The following AFF2 variants were observed in gnomAD, a reference collection of about 807,000 sequenced individuals.
AFF2 encodes the protein ALF transcription elongation factor 2.
In AFF2, 14 loss-of-function variants were observed where a neutral mutation model predicts 76.9. The observed-to-expected ratio is 0.18, with a 90% CI of 0.12 to 0.28. The LOEUF is 0.28. Ranked by LOEUF, AFF2 falls within the 10% of genes least tolerant of loss-of-function variation. AFF2 has a pLI of 1.00. For missense variants in AFF2, 868 were observed against 1,001.1 expected (o/e 0.87, Z 1.79); for synonymous variants, 398 against 366.7 (o/e 1.09, Z -0.98).
chrX:148,584,842 A>C (rs2053451201), intron 1 of AFF2, among the ~76,000 whole-genome samples: 1 of 111,342 alleles, frequency 9.0e-6, no homozygotes, highest in Non-Finnish European at 1.9e-5. Context: ...CCTGGCTGAA[A>C]TGATCACTTT....
intron 1 of AFF2, among the ~76,000 whole-genome samples, chrX:148,523,251 TAAATC>T (rs1350620285): frequency 8.9e-6 from 1 of 112,339 alleles, no homozygotes; most frequent in Non-Finnish European, 1.9e-5. Context: ...GTGAAAATGT[TAAATC>T]AATTGCATGA....
chrX:148,867,236 G>T (rs1455331108), intron 7 of AFF2, among the ~76,000 whole-genome samples: 2 of 112,480 alleles, frequency 1.8e-5, no homozygotes, highest in Non-Finnish European at 3.8e-5. Context: ...CTGGCTGAAC[G>T]CATTCCCGTC....
Position 148,591,701 on chromosome X carries a change from G to A in AFF2, c.48-60298G>A, listed in dbSNP as rs782432696. On this transcript the variant is annotated intron_variant, in intron 1 of 20. Transcript: ENST00000370460. ...TCTGAGAGGGCCAAGATTACGTTTTGTGTAATCTTGCTTTCCATAGAAGTG... is the reference window on the plus strand; with the variant it reads ...TCTGAGAGGGCCAAGATTACGTTTTATGTAATCTTGCTTTCCATAGAAGTG... 5.4e-5 allele frequency among the ~76,000 whole-genome samples: 6 copies of A among 112,048 alleles called. No individual in the cohort carries two copies. In the East Asian group the frequency reaches 1.7e-3, roughly 32 times the overall value.
At chrX:148,737,343 G>A (rs1376795068) in intron 3 of AFF2, among the ~76,000 whole-genome samples, 6 of 111,115 alleles carry the variant, frequency 5.4e-5, no homozygotes, top group African/African-American at 2.0e-4. Context: ...CCTTTGTTAG[G>A]TATATTCCTA....
chrX:148,609,844 A>T (rs1375484061), intron 1 of AFF2, among the ~76,000 whole-genome samples: 1 of 111,421 alleles, frequency 9.0e-6, no homozygotes, highest in Non-Finnish European at 1.9e-5. Context: ...TTGAAATCTG[A>T]TCCCTTCCTG....
At chrX:148,712,919 A>G (rs1215653629) in intron 3 of AFF2, among the ~76,000 whole-genome samples, 1 of 111,727 alleles carries the variant, frequency 9.0e-6, no homozygotes, top group African/African-American at 3.3e-5. Context: ...AATATGTAGG[A>G]TGATGACAAG....
intron 9 of AFF2, among the ~76,000 whole-genome samples, chrX:148,908,028 G>T (rs1296181782): frequency 8.9e-6 from 1 of 111,961 alleles, no homozygotes; most frequent in Non-Finnish European, 1.9e-5. Context: ...GCTTTTGAAA[G>T]AAGAGAAATA....
At chrX:148,845,911 G>A (rs782482379) in intron 7 of AFF2, among the ~76,000 whole-genome samples, 1 of 111,862 alleles carries the variant, frequency 8.9e-6, no homozygotes, top group Non-Finnish European at 1.9e-5. Flanking sequence ...CTTAATTACT[G>A]GGACACTTCA....
At chrX:148,891,846 C>G (rs1443640729) in intron 8 of AFF2, among the ~76,000 whole-genome samples, 1 of 111,782 alleles carries the variant, frequency 8.9e-6, no homozygotes, top group East Asian at 2.8e-4. Flanking sequence ...TTGTTAGAAA[C>G]TTCCTTTAGG....
At chrX:148,893,498 A>G (rs1275860751) in intron 8 of AFF2, among the ~76,000 whole-genome samples, 1 of 112,228 alleles carries the variant, frequency 8.9e-6, no homozygotes, top group African/African-American at 3.2e-5. Flanking sequence ...TGCTTATCTC[A>G]TGGTCAGTAA....
At chrX:148,557,656 G>C (rs960520706) in intron 1 of AFF2, among the ~76,000 whole-genome samples, 1 of 112,392 alleles carries the variant, frequency 8.9e-6, no homozygotes, top group African/African-American at 3.2e-5. Flanking sequence ...TTGCATTAGA[G>C]ATTAAATTTC....
intron 1 of AFF2, among the ~76,000 whole-genome samples, chrX:148,547,649 G>T (rs2052938568): frequency 8.9e-6 from 1 of 111,894 alleles, no homozygotes; most frequent in Non-Finnish European, 1.9e-5. Flanking sequence ...TAAGGCCTAT[G>T]AATATATTTC....
chrX:148,533,460 T>C (rs1160444945), intron 1 of AFF2, among the ~76,000 whole-genome samples: 1 of 110,293 alleles, frequency 9.1e-6, no homozygotes, highest in Non-Finnish European at 1.9e-5. Flanking sequence ...GCCCGGCTAA[T>C]TTTTTGTATT....
At chrX:148,555,922 C>A in intron 1 of AFF2, among the ~76,000 whole-genome samples, 1 of 112,266 alleles carries the variant, frequency 8.9e-6, no homozygotes, top group South Asian at 3.7e-4. Context: ...TAAAGAGACA[C>A]GTAAACCACA....
intron 3 of AFF2, among the ~76,000 whole-genome samples, chrX:148,803,765 C>G (rs1261745467): frequency 9.0e-6 from 1 of 111,128 alleles, no homozygotes; most frequent in African/African-American, 3.3e-5. Flanking sequence ...TGCATTCCAC[C>G]GTTGCCCATA....
intron 7 of AFF2, 74 bp downstream of exon 7, chrX:148,843,507 A>G (rs1557274468): frequency 2.3e-6 from 2 of 864,814 alleles, no homozygotes; most frequent in Non-Finnish European, 3.4e-6. Flanking sequence ...ATGCTGATCT[A>G]ATCTTGTTCT....
At chrX:148,614,711 TTC>T (rs1491084179) in intron 1 of AFF2, among the ~76,000 whole-genome samples, 1 of 45,321 alleles carries the variant, frequency 2.2e-5, no homozygotes, top group African/African-American at 1.2e-4. Flanking sequence ...CTTTCTTTCT[TTC>T]TTTCTTTCTT....
At chrX:148,600,766 G>T (rs781814329) in intron 1 of AFF2, among the ~76,000 whole-genome samples, 16 of 111,943 alleles carry the variant, frequency 1.4e-4, no homozygotes, top group Non-Finnish European at 3.0e-4. Flanking sequence ...GATGCCTGCC[G>T]CCCCCAAACT....
intron 3 of AFF2, among the ~76,000 whole-genome samples, chrX:148,685,734 G>A (rs1042378265): frequency 1.1e-4 from 12 of 110,559 alleles, no homozygotes; most frequent in African/African-American, 2.6e-4. Flanking sequence ...AATATCTCCC[G>A]TTTTCTGCAT....
Sources: allele counts gnomAD v4.1 joint callset (sites outside exome capture counted in the v4.1 genomes callset), GRCh38; gene constraint gnomAD v4.1.1; transcripts MANE v1.5; gene names NCBI Gene and HGNC (gene_info 2026-07-23, HGNC 2026-07-21).